TNRC6B: variants seen among roughly 807,000 people sequenced by gnomAD.
TNRC6B encodes the protein trinucleotide repeat containing adaptor 6B, also known as trinucleotide repeat-containing gene 6B protein.
TNRC6B carries 52 observed loss-of-function variants against 203.6 expected under a neutral mutation model. That is an observed-to-expected ratio of 0.26 (90% CI 0.20 to 0.32). The LOEUF is 0.32. TNRC6B is among the 10% of genes least tolerant of loss of function. TNRC6B has a pLI of 1.00. For synonymous variants in TNRC6B, 838 were observed against 845.7 expected (o/e 0.99, Z 0.16); for missense variants, 1,923 against 2,286.2 (o/e 0.84, Z 3.24).
chr22:40,241,476 A>G (rs1360565057), intron 1 of TNRC6B, among the ~76,000 whole-genome samples: 2 of 152,226 alleles, frequency 1.3e-5, no homozygotes, highest in Non-Finnish European at 1.5e-5. Flanking sequence ...CACAGCCTTA[A>G]AACTTTTGAA....
At chr22:40,148,975 ATTTG>A (rs1300895965) in intron 3 of TNRC6B, among the ~76,000 whole-genome samples, 14 of 152,306 alleles carry the variant, frequency 9.2e-5, no homozygotes, top group South Asian at 6.2e-4. Flanking sequence ...GAGACAAAAA[ATTTG>A]TTTGTTAAGC....
intron 12 of TNRC6B, among the ~76,000 whole-genome samples, chr22:40,287,936 A>G (rs1174697060): frequency 6.6e-6 from 1 of 152,240 alleles, no homozygotes; most frequent in Non-Finnish European, 1.5e-5. Context: ...CTGAGTCTTA[A>G]AGAATGAGTC....
intron 1 of TNRC6B, among the ~76,000 whole-genome samples, chr22:40,101,217 C>T (rs1214464648): frequency 6.6e-6 from 1 of 152,094 alleles, no homozygotes; most frequent in East Asian, 1.9e-4. Flanking sequence ...TGGTCTCGAT[C>T]TCCTAACCTT....
At chr22:40,157,229 T>C (rs1441560171) in intron 4 of TNRC6B, among the ~76,000 whole-genome samples, 1 of 152,166 alleles carries the variant, frequency 6.6e-6, no homozygotes, top group Non-Finnish European at 1.5e-5. Context: ...GAAAAACAGT[T>C]AAGACTGCTT....
intron 1 of TNRC6B, among the ~76,000 whole-genome samples, chr22:40,208,630 G>A (rs1273791142): frequency 6.6e-6 from 1 of 152,198 alleles, no homozygotes; most frequent in Non-Finnish European, 1.5e-5. Context: ...GTGGAGTAGG[G>A]AAAGGTGGGA....
intron 3 of TNRC6B, among the ~76,000 whole-genome samples, chr22:40,139,763 T>C (rs1368905361): frequency 1.3e-5 from 2 of 152,250 alleles, no homozygotes; most frequent in Non-Finnish European, 2.9e-5. Flanking sequence ...CAAGTTTTTG[T>C]GTGGAATATA....
intron 1 of TNRC6B, among the ~76,000 whole-genome samples, chr22:40,211,877 C>A (rs768714630): frequency 6.6e-6 from 1 of 152,238 alleles, no homozygotes; most frequent in African/African-American, 2.4e-5. Context: ...GGCAGACTGA[C>A]TGCAAAGCCT....
At chr22:40,110,363 G>C (rs2068322019) in intron 1 of TNRC6B, among the ~76,000 whole-genome samples, 1 of 152,202 alleles carries the variant, frequency 6.6e-6, no homozygotes, top group Non-Finnish European at 1.5e-5. Context: ...GCTGAGCACA[G>C]TGCCATGTAC....
chr22:40,083,535 A>T (rs2068077655), intron 1 of TNRC6B, among the ~76,000 whole-genome samples: 1 of 152,192 alleles, frequency 6.6e-6, no homozygotes, highest in African/African-American at 2.4e-5. Flanking sequence ...GTATTAGCTG[A>T]AGAGTGATAC....
Position 40,281,180 on chromosome 22 carries a change from T to A in TNRC6B, c.3473T>A (p.Phe1158Tyr). The change falls in exon 11 of 23, where the codon TTC (phenylalanine) becomes TAC (tyrosine). Residue 1158 changes from phenylalanine to tyrosine, a missense_variant. Physicochemically the swap from Phe to Tyr is conservative, Grantham distance 22. Around this residue, in one of 8 missense-constraint regions of TNRC6B, gnomAD observed 599 missense variants for 656.5 expected, o/e 0.91. Transcript: ENST00000454349. ...GGGGATGAGGCTCCCTGCTCTCCCT[T>A]CTCCCCTTCTCCCAGCTACAAGCTG... ...CLGDEAPCSP[F>Y]SPSPSYKLSP... The A allele has an allele frequency of 1.3e-6, 2 of 1,551,462 alleles. No homozygotes were observed. The highest frequency in any genetic ancestry group is 1.7e-6 in the Non-Finnish European group (2 of 1,146,868).
At chr22:40,286,071 T>G (rs1436700554) in intron 12 of TNRC6B, among the ~76,000 whole-genome samples, 1 of 152,242 alleles carries the variant, frequency 6.6e-6, no homozygotes, top group African/African-American at 2.4e-5. Context: ...AGATCTCCTA[T>G]TTTTCTAACT....
rs772135186 is a variant in TNRC6B, at chr22:40,265,999, G to A, written c.1769G>A (p.Arg590His). ...AGTAGTGACAGTCATAACTCTGGCC[G>A]TCGGTCGTACAGGCCCACACATCCT... ...AGSSDSHNSG[R>H]RSYRPTHPDC... Residue 590 changes from arginine (R) to histidine (H), a missense_variant, in exon 5 of 23, where the codon CGT becomes CAT. Coordinates refer to ENST00000454349, the MANE Select transcript of TNRC6B (RefSeq NM_001162501.2). 7.4e-6 allele frequency: 12 copies of A among 1,613,862 alleles called. No individual in the cohort carries two copies. Among genetic ancestry groups the A allele is most frequent in the Non-Finnish European group, 9.3e-6 (11 of 1,179,902 alleles).
At chr22:40,097,669 T>TAC (rs6147625) in intron 1 of TNRC6B, among the ~76,000 whole-genome samples, 29,664 of 135,226 alleles carry the variant, frequency 0.22, 3,319 homozygotes, top group East Asian at 0.29. Flanking sequence ...AGGTATATCA[T>TAC]ACACACACAC....
Position 40,322,500 on chromosome 22 carries a change from C to G in TNRC6B, c.5115-354C>G, listed in dbSNP as rs188624637. ...AGTTCAGTCATCCCTCTTAGCCCCC[C>G]ACAGACACACACGTTTTTCTTGATA... is the stretch of plus-strand genomic sequence containing the variant. On this transcript the variant is annotated intron_variant, in intron 22 of 22. Coordinates refer to ENST00000454349, the MANE Select transcript of TNRC6B (RefSeq NM_001162501.2). Among the ~76,000 whole-genome samples, 402 of 152,340 alleles carry G rather than the reference C, an allele frequency of 2.6e-3. 1 individual carries two copies. Among genetic ancestry groups the G allele is most frequent in the South Asian group, 4.8e-3 (23 of 4,822 alleles).
At position 40,300,488 on chromosome 22, in the gene TNRC6B, A is replaced by G. The variant is rs1197816895; in HGVS notation, c.3742A>G (p.Ser1248Gly). 9 of 1,605,784 alleles carry G rather than the reference A, an allele frequency of 5.6e-6. No individual in the cohort carries two copies. Among genetic ancestry groups the G allele is most frequent in the Non-Finnish European group, 7.6e-6 (9 of 1,177,676 alleles). Residue 1248 changes from serine to glycine, a missense_variant, in exon 13 of 23, where the codon AGT (serine) becomes GGT (glycine). Ser to Gly is a moderately conservative substitution (Grantham distance 56). Coordinates refer to ENST00000454349, the MANE Select transcript of TNRC6B (RefSeq NM_001162501.2). ...SASMLKQFPN[S>G]GLSPGLFNVG... ...CTCAATGCTCAAGCAGTTTCCCAAC[A>G]GTGGCCTGAGTCCAGGTCTTTTCAA...
rs2071436372 is a variant in TNRC6B, at chr22:40,329,056, T to C, written c.*5815T>C. 1 of 152,404 alleles carries C rather than the reference T, an allele frequency of 6.6e-6. No individual in the cohort carries two copies. The highest frequency in any genetic ancestry group is 2.4e-5 in the African/African-American group (1 of 41,430). The allele number at this position is 152,404 out of a possible 1,614,324, so 9.4% of individuals were successfully genotyped here. A position where few individuals can be genotyped will look rare whatever the true frequency, so the allele number is the denominator to read the frequency against. On this transcript the variant is annotated 3_prime_UTR_variant, in exon 23 of 23. Coordinates refer to ENST00000454349, the MANE Select transcript of TNRC6B (RefSeq NM_001162501.2). ...ACAAAAACAAAACAAAAAAAAGCCT[T>C]GTTCTTTAATTGTGTTTTTCCTCCT... is the stretch of plus-strand genomic sequence containing the variant.
intron 4 of TNRC6B, among the ~76,000 whole-genome samples, chr22:40,166,438 T>A (rs1190621075): frequency 6.6e-6 from 1 of 152,080 alleles, no homozygotes; most frequent in African/African-American, 2.4e-5. Context: ...ACTCTTTTTT[T>A]TTTTTTTCGT....
At chr22:40,126,598 T>TC (rs1249000656) in intron 3 of TNRC6B, among the ~76,000 whole-genome samples, 1 of 140,016 alleles carries the variant, frequency 7.1e-6, no homozygotes, top group Non-Finnish European at 1.5e-5. Flanking sequence ...TTTTTTTTTT[T>TC]TTTTTTTTTT....
chr22:40,332,302 C>G lies in TNRC6B; in HGVS notation c.*9061C>G, dbSNP rs896918852. Reference sequence around the variant, plus strand: ...AGGCAAAAAAGTTTTCTCTTCCTACCCACCATCCCTCTCTCTGCTTCCCTT... The same window carrying G: ...AGGCAAAAAAGTTTTCTCTTCCTACGCACCATCCCTCTCTCTGCTTCCCTT... On this transcript the variant is annotated 3_prime_UTR_variant, in exon 23 of 23. Coordinates refer to ENST00000454349, the MANE Select transcript of TNRC6B (RefSeq NM_001162501.2). The G allele has an allele frequency of 2.6e-5, 4 of 152,538 alleles. No individual in the cohort carries two copies. Among genetic ancestry groups the G allele is most frequent in the Non-Finnish European group, 5.9e-5 (4 of 68,022 alleles). 9.4% of individuals were successfully genotyped at this position (152,538 alleles called of 1,614,324 possible).
Sources: allele counts gnomAD v4.1 joint callset (sites outside exome capture counted in the v4.1 genomes callset), GRCh38; gene constraint gnomAD v4.1.1; regional missense constraint gnomAD v4.1.1; transcripts MANE v1.5; gene names NCBI Gene and HGNC (gene_info 2026-07-23, HGNC 2026-07-21).